Variants in ADGRB3 observed in about 807,000 individuals in gnomAD.
ADGRB3 encodes the protein brain-specific angiogenesis inhibitor 3.
Under a neutral mutation model 193.4 loss-of-function variants are expected in ADGRB3, and 37 were observed. That is an observed-to-expected ratio of 0.19 (90% CI 0.15 to 0.25). ADGRB3 has a LOEUF of 0.25. Ranked by LOEUF, ADGRB3 falls within the 10% of genes least tolerant of loss-of-function variation. The pLI, the probability that ADGRB3 is intolerant of heterozygous loss-of-function variation, is 1.00. For missense variants in ADGRB3, 1,637 were observed against 1,852.9 expected, an observed-to-expected ratio of 0.88 and a Z score of 2.14; for synonymous variants, 690 against 644.2, an observed-to-expected ratio of 1.07 and a Z score of -1.08.
chr6:69,338,891 T>C, intron 24 of ADGRB3, 25 bp from the exon 25 acceptor site: 1 of 1,597,622 alleles, frequency 6.3e-7, no homozygotes, highest in South Asian at 1.1e-5. Context: ...TTTGTTCTTT[T>C]TGTGGGTGTT....
intron 10 of ADGRB3, among the ~76,000 whole-genome samples, chr6:68,977,597 G>A (rs559993365): frequency 6.6e-6 from 1 of 152,268 alleles, no homozygotes; most frequent in African/African-American, 2.4e-5. Context: ...ATCTCAAAGT[G>A]TGAATCCTGT....
chr6:68,715,070 A>G (rs1242345725), intron 3 of ADGRB3, among the ~76,000 whole-genome samples: 2 of 151,864 alleles, frequency 1.3e-5, no homozygotes, highest in African/African-American at 4.8e-5. Context: ...TCATGACAAA[A>G]CACAAAAGAC....
intron 17 of ADGRB3, among the ~76,000 whole-genome samples, chr6:69,108,241 C>A (rs1247851248): frequency 6.6e-6 from 1 of 152,066 alleles, no homozygotes. Flanking sequence ...TATTTCTCTC[C>A]CCTTTAAGAT....
chr6:69,328,357 T>C (rs1768629290), intron 22 of ADGRB3, among the ~76,000 whole-genome samples: 1 of 152,144 alleles, frequency 6.6e-6, no homozygotes. Context: ...CAATGGATTT[T>C]ACATTAGAAA....
chr6:68,981,845 GTTAT>G (rs3043275), intron 10 of ADGRB3, among the ~76,000 whole-genome samples: 30,914 of 139,520 alleles, frequency 0.22, 4,348 homozygotes, highest in East Asian at 0.47. Flanking sequence ...TACCTATTTT[GTTAT>G]TTATTTATTT....
intron 3 of ADGRB3, among the ~76,000 whole-genome samples, chr6:68,887,111 A>G (rs1765932237): frequency 1.3e-5 from 2 of 151,822 alleles, no homozygotes; most frequent in African/African-American, 4.8e-5. Context: ...GTATTAACGC[A>G]ATTCTTTATC....
intron 20 of ADGRB3, among the ~76,000 whole-genome samples, chr6:69,311,728 C>T (rs911057513): frequency 6.6e-6 from 1 of 151,692 alleles, no homozygotes; most frequent in Non-Finnish European, 1.5e-5. Context: ...GGGGACCCTT[C>T]TTTTTATTAA....
chr6:69,291,220 T>A (rs962361330), intron 20 of ADGRB3, among the ~76,000 whole-genome samples: 1 of 152,194 alleles, frequency 6.6e-6, no homozygotes, highest in African/African-American at 2.4e-5. Flanking sequence ...GGAATTCCAA[T>A]AATGCTCACT....
chr6:68,914,703 A>T (rs1582311359), intron 3 of ADGRB3, among the ~76,000 whole-genome samples: 1 of 152,342 alleles, frequency 6.6e-6, no homozygotes, highest in South Asian at 2.1e-4. Context: ...TGTTCCATAA[A>T]AGAAATTTTG....
At chr6:68,794,809 T>G (rs1326059223) in intron 3 of ADGRB3, among the ~76,000 whole-genome samples, 2 of 152,132 alleles carry the variant, frequency 1.3e-5, no homozygotes, top group South Asian at 4.1e-4. Flanking sequence ...TTATATCCAG[T>G]CTGATCTTGT....
At position 68,977,254 on chromosome 6, in the gene ADGRB3, T is replaced by G. The variant is rs563645797; in HGVS notation, c.1734+1914T>G. On this transcript the variant is annotated intron_variant, in intron 10 of 31. Coordinates refer to ENST00000370598, the MANE Select transcript of ADGRB3 (RefSeq NM_001704.3). ...TAGCTGTCAATAACTCAGACCATTA[T>G]ATTTCAAAATTAGGTATAAGTAAAA... is the stretch of plus-strand genomic sequence containing the variant. Among the ~76,000 whole-genome samples, 81 of 151,926 alleles carry G rather than the reference T, an allele frequency of 5.3e-4. No individual in the cohort carries two copies. In the East Asian group the frequency reaches 0.016, roughly 29 times the overall value.
Position 68,661,405 on chromosome 6 carries a change from ATATG to A in ADGRB3, c.757+21975_757+21978del, listed in dbSNP as rs1192353411. ...CATATATATATGTGTGTATACATAT[ATATG>A]TGTGTGTATATATATGTGTATACAT... On this transcript the variant is annotated intron_variant, in intron 3 of 31. Transcript: ENST00000370598. Among the ~76,000 whole-genome samples the A allele has an allele frequency of 1.3e-4, 6 of 46,350 alleles. No homozygotes were observed. The East Asian group carries it at 2.1e-3, about 16-fold the overall frequency. 30.4% of individuals were successfully genotyped at this position (46,350 alleles called of 152,430 possible).
intron 31 of ADGRB3, among the ~76,000 whole-genome samples, chr6:69,383,939 T>G (rs1330435541): frequency 1.3e-5 from 2 of 152,028 alleles, no homozygotes; most frequent in African/African-American, 2.4e-5. Flanking sequence ...CTAAAGTAGA[T>G]GACGTTTGGT....
At chr6:69,162,970 A>G (rs561239305) in intron 17 of ADGRB3, among the ~76,000 whole-genome samples, 240 of 152,166 alleles carry the variant, frequency 1.6e-3, no homozygotes, top group Non-Finnish European at 2.9e-3. Context: ...AGCAGGTTTC[A>G]TATTCTTTGC....
chr6:69,218,100 C>A (rs1031379368), intron 17 of ADGRB3, among the ~76,000 whole-genome samples: 2 of 150,366 alleles, frequency 1.3e-5, no homozygotes, highest in Admixed American at 6.6e-5. Flanking sequence ...AAGTCAAAAC[C>A]TTTCAAGCCT....
At chr6:68,812,570 T>C (rs1033099636) in intron 3 of ADGRB3, among the ~76,000 whole-genome samples, 3 of 152,162 alleles carry the variant, frequency 2.0e-5, no homozygotes, top group African/African-American at 7.2e-5. Context: ...GACAGTGATA[T>C]ATATAAAATG....
At chr6:68,759,580 C>A (rs938426582) in intron 3 of ADGRB3, among the ~76,000 whole-genome samples, 5 of 152,058 alleles carry the variant, frequency 3.3e-5, no homozygotes, top group African/African-American at 1.2e-4. Context: ...ATTGCCCTTA[C>A]ATTCTCACAT....
chr6:69,124,219 G>T (rs933994816), intron 17 of ADGRB3, among the ~76,000 whole-genome samples: 2 of 151,958 alleles, frequency 1.3e-5, no homozygotes, highest in Non-Finnish European at 2.9e-5. Flanking sequence ...TGTAGCTGAA[G>T]ATTCTGATCT....
chr6:68,800,236 G>T (rs1315111850), intron 3 of ADGRB3, among the ~76,000 whole-genome samples: 1 of 152,120 alleles, frequency 6.6e-6, no homozygotes, highest in African/African-American at 2.4e-5. Context: ...GAGGCAAGGA[G>T]GATTAATAAA....
Sources: allele counts gnomAD v4.1 joint callset (sites outside exome capture counted in the v4.1 genomes callset), GRCh38; gene constraint gnomAD v4.1.1; transcripts MANE v1.5; gene names NCBI Gene and HGNC (gene_info 2026-07-23, HGNC 2026-07-21).